Variants in POC1B observed in about 807,000 individuals in gnomAD.
POC1B encodes POC1 centriolar protein B.
A neutral mutation model predicts 60.6 loss-of-function variants in POC1B; 44 were observed. That is an observed-to-expected ratio of 0.73 (90% CI 0.57 to 0.93). The LOEUF is 0.93. POC1B is among the 40% of genes least tolerant of loss of function. The pLI is 0.00. For synonymous variants in POC1B, 180 were observed against 198.9 expected (o/e 0.90, Z 0.80); for missense variants, 555 against 572.3 (o/e 0.97, Z 0.31).
intron 2 of POC1B, among the ~76,000 whole-genome samples, chr12:89,511,061 A>C (rs1870162203): frequency 6.6e-6 from 1 of 152,084 alleles, no homozygotes; most frequent in African/African-American, 2.4e-5. Flanking sequence ...GCCAAACAGT[A>C]CATATTTTAG....
chr12:89,520,379 A>C (rs1870747772), intron 2 of POC1B: 1 of 152,100 alleles, frequency 6.6e-6, no homozygotes, highest in Non-Finnish European at 1.5e-5. Context: ...TAACAAGAAA[A>C]CCAAAAATAA....
At chr12:89,424,712 T>C (rs927565185) in intron 11 of POC1B, among the ~76,000 whole-genome samples, 6 of 152,182 alleles carry the variant, frequency 3.9e-5, no homozygotes, top group Admixed American at 2.6e-4. Context: ...AAAGGTAAAC[T>C]GGCCTCAAAA....
chr12:89,501,302 A>G (rs1869553784), intron 2 of POC1B: 1 of 1,004,308 alleles, frequency 1.0e-6, no homozygotes, highest in South Asian at 1.3e-5. Context: ...TCTACAAAAT[A>G]TGAAATGTAT....
At chr12:89,505,507 G>A (rs1465405901) in intron 2 of POC1B, among the ~76,000 whole-genome samples, 1 of 152,170 alleles carries the variant, frequency 6.6e-6, no homozygotes, top group African/African-American at 2.4e-5. Context: ...AGTTTAAGAA[G>A]AAGCAAAATT....
Position 89,472,098 on chromosome 12 carries a change from T to A in POC1B, c.560+70A>T. The A allele has an allele frequency of 5.7e-6, 6 of 1,049,220 alleles. No homozygotes were observed. In the South Asian group the frequency reaches 8.9e-5, roughly 15 times the overall value. The allele number at this position is 1,049,220 out of a possible 1,614,324, so 65.0% of individuals were successfully genotyped here. On this transcript the variant is annotated intron_variant, in intron 5 of 11. Coordinates refer to ENST00000313546, the MANE Select transcript of POC1B (RefSeq NM_172240.3). ...TCAATTTCTTTACTCATTTATTTAT[T>A]TAAATTGTTATAATCAAACGTCTCC...
the POC1B span, among the ~76,000 whole-genome samples, chr12:89,407,845 TG>T: frequency 6.6e-6 from 1 of 152,188 alleles, no homozygotes; most frequent in Non-Finnish European, 1.5e-5. Context: ...CTGGGATACA[TG>T]TGCAGAACGT....
At chr12:89,523,835 GT>G in intron 2 of POC1B, 1 of 1,544,364 alleles carries the variant, frequency 6.5e-7, no homozygotes. Context: ...TCCAAAAGCG[GT>G]TCCAGCCAAC....
intron 10 of POC1B, among the ~76,000 whole-genome samples, chr12:89,438,288 T>G (rs55696559): frequency 0.022 from 3,383 of 152,102 alleles, 118 homozygotes; most frequent in African/African-American, 0.078. Flanking sequence ...AAACCCCGTC[T>G]CTACTAAAAA....
At chr12:89,409,400 T>A in the POC1B span, among the ~76,000 whole-genome samples, 1 of 152,212 alleles carries the variant, frequency 6.6e-6, no homozygotes, top group East Asian at 1.9e-4. Flanking sequence ...CATTACTTGT[T>A]TTTGTCAGGT....
At chr12:89,425,695 C>T (rs903534655) in intron 10 of POC1B, 1 of 183,844 alleles carries the variant, frequency 5.4e-6, no homozygotes, top group Non-Finnish European at 1.1e-5. Context: ...AATTTAAAAA[C>T]AATATTCACA....
intron 10 of POC1B, among the ~76,000 whole-genome samples, chr12:89,433,650 G>A (rs1391965687): frequency 6.6e-6 from 1 of 152,218 alleles, no homozygotes; most frequent in Admixed American, 6.5e-5. Flanking sequence ...ACGCCTTTCT[G>A]GGGCTGACGA....
chr12:89,499,336 C>T (rs139542394), intron 2 of POC1B, among the ~76,000 whole-genome samples: 1 of 152,276 alleles, frequency 6.6e-6, no homozygotes, highest in Non-Finnish European at 1.5e-5. Flanking sequence ...ACAATAGCCA[C>T]TGGGGACTAC....
chr12:89,437,494 T>C (rs954167003), intron 10 of POC1B, among the ~76,000 whole-genome samples: 43 of 152,190 alleles, frequency 2.8e-4, no homozygotes, highest in African/African-American at 1.0e-3. Context: ...CCTCTTATTA[T>C]CAGGCAAATT....
chr12:89,494,063 C>T (rs1038955056), intron 3 of POC1B, among the ~76,000 whole-genome samples: 5 of 151,902 alleles, frequency 3.3e-5, no homozygotes, highest in East Asian at 1.9e-4. Flanking sequence ...TTTTTTGAGA[C>T]GTGTTATCTT....
At chr12:89,518,640 T>C (rs1870598183) in intron 2 of POC1B, among the ~76,000 whole-genome samples, 1 of 152,140 alleles carries the variant, frequency 6.6e-6, no homozygotes, top group South Asian at 2.1e-4. Flanking sequence ...CCCTGCCACC[T>C]GCCAAAAATT....
At chr12:89,514,587 T>C (rs1276991619) in intron 2 of POC1B, among the ~76,000 whole-genome samples, 2 of 151,840 alleles carry the variant, frequency 1.3e-5, no homozygotes, top group African/African-American at 4.8e-5. Context: ...TTTTTATTTT[T>C]AGTAGAGACG....
At chr12:89,471,828 C>A in intron 5 of POC1B, 99 bp from the exon 6 acceptor site, 1 of 725,100 alleles carries the variant, frequency 1.4e-6, no homozygotes, top group Non-Finnish European at 2.2e-6. Flanking sequence ...AGTGCAGTGG[C>A]GCAATGTCAG....
chr12:89,402,438 A>T, the POC1B span, among the ~76,000 whole-genome samples: 11 of 152,148 alleles, frequency 7.2e-5, no homozygotes, highest in South Asian at 8.3e-4. Context: ...AAACCTATGT[A>T]CGGGGGGTTG....
At chr12:89,414,899 C>T (rs919650946), downstream of POC1B, among the ~76,000 whole-genome samples, 1 of 152,184 alleles carries the variant, frequency 6.6e-6, no homozygotes, top group African/African-American at 2.4e-5. Flanking sequence ...AAGTGAGGGT[C>T]CGTACTATCT....
Sources: allele counts gnomAD v4.1 joint callset (sites outside exome capture counted in the v4.1 genomes callset), GRCh38; gene constraint gnomAD v4.1.1; transcripts MANE v1.5; gene names NCBI Gene and HGNC (gene_info 2026-07-23, HGNC 2026-07-21).